The following DSC2 variants were observed in gnomAD, a reference collection of about 807,000 sequenced individuals.
The protein encoded by DSC2 is desmocollin 2.
Under a neutral mutation model 87.6 loss-of-function variants are expected in DSC2, and 51 were observed. The ratio of observed to expected loss-of-function variants is 0.58; its 90% CI spans 0.46 to 0.74. DSC2 has a LOEUF of 0.74. Among genes scored for constraint, DSC2 ranks in the 30% least tolerant of loss-of-function variants. DSC2 has a pLI of 0.00. For synonymous variants in DSC2, 383 were observed against 393.2 expected, an observed-to-expected ratio of 0.97 and a Z score of 0.31; for missense variants, 1,066 against 1,089.5, an observed-to-expected ratio of 0.98 and a Z score of 0.30.
rs1555641325 is a variant in DSC2 at position 31,101,950 on chromosome 18, C to T, written c.22G>A (p.Gly8Ser). Reference protein sequence around the residue: MEAARPSGSWNGALCRLL... With the variant: MEAARPSSSWNGALCRLL... Reference sequence around the variant, plus strand: ...CGGCAGAGGGCTCCGTTCCAGGAGCCGGAGGGGCGGGCTGCCTCCATGGAG... The same window carrying T: ...CGGCAGAGGGCTCCGTTCCAGGAGCTGGAGGGGCGGGCTGCCTCCATGGAG... The change falls in exon 1 of 16, where the codon GGC (glycine) becomes AGC (serine). Residue 8 changes from glycine to serine, a missense_variant. By Grantham distance (56) the Gly-to-Ser change is moderately conservative. Coordinates refer to ENST00000280904, the MANE Select transcript of DSC2 (RefSeq NM_024422.6). The T allele has an allele frequency of 2.0e-6, 3 of 1,526,714 alleles. No homozygotes were observed. Among genetic ancestry groups the T allele is most frequent in the South Asian group, 2.4e-5 (2 of 82,758 alleles). 94.6% of individuals were successfully genotyped at this position (1,526,714 alleles called of 1,614,324 possible). A position where few individuals can be genotyped will look rare whatever the true frequency, so the allele number is the denominator to read the frequency against.
chr18:31,081,167 A>T (rs1265765983), intron 9 of DSC2, among the ~76,000 whole-genome samples: 1 of 152,206 alleles, frequency 6.6e-6, no homozygotes, highest in African/African-American at 2.4e-5. Context: ...ACCTGGTATG[A>T]GGAAGAGAAA....
chr18:31,064,764 G>A lies in DSC2; in HGVS notation c.*3251C>T, dbSNP rs2144772978. Reference sequence around the variant, plus strand: ...ACAAGATGATTCTAGGCACAAAGAAGGGAAAGCATTTTATTTTGGAGATGA... The same window carrying A: ...ACAAGATGATTCTAGGCACAAAGAAAGGAAAGCATTTTATTTTGGAGATGA... On this transcript the variant is annotated 3_prime_UTR_variant, in exon 16 of 16. Transcript: ENST00000280904. 6.6e-6 allele frequency: 1 copy of A among 152,268 alleles called. No homozygotes were observed. The highest frequency in any genetic ancestry group is 1.9e-4 in the East Asian group (1 of 5,176). The allele number at this position is 152,268 out of a possible 1,614,324, so 9.4% of individuals were successfully genotyped here.
chr18:31,098,959 G>A (rs1205291906), intron 1 of DSC2, among the ~76,000 whole-genome samples: 1 of 152,176 alleles, frequency 6.6e-6, no homozygotes, highest in Non-Finnish European at 1.5e-5. Context: ...AAGGGGAGCA[G>A]TGAGAAAGAA....
intron 8 of DSC2, 66 bp from the exon 9 acceptor site, chr18:31,082,489 A>G: frequency 7.2e-7 from 1 of 1,380,412 alleles, no homozygotes; most frequent in South Asian, 1.2e-5. Flanking sequence ...CACGATGTGA[A>G]GTAAATCCTA....
chr18:31,069,126 T>C lies in DSC2; in HGVS notation c.2276A>G (p.Gln759Arg), dbSNP rs765539764. The C allele has an allele frequency of 6.2e-7, 1 of 1,614,140 alleles. No homozygotes were observed. The highest frequency in any genetic ancestry group is 8.5e-7 in the Non-Finnish European group (1 of 1,179,994). ...TCCCTGAGCAGAAGCGCCCACAGTT[T>C]GGGTTGTGAAGCCATTCGCAGAATA... is the stretch of plus-strand genomic sequence containing the variant. Reference protein sequence around the residue: ...KVYSANGFTTQTVGASAQGVC... With the variant: ...KVYSANGFTTRTVGASAQGVC... Residue 759 changes from glutamine to arginine, a missense_variant, in exon 15 of 16, where the codon CAA (glutamine) becomes CGA (arginine). Coordinates refer to ENST00000280904, the MANE Select transcript of DSC2 (RefSeq NM_024422.6).
intron 1 of DSC2, among the ~76,000 whole-genome samples, chr18:31,094,660 T>C (rs1987708119): frequency 6.6e-6 from 1 of 152,202 alleles, no homozygotes; most frequent in Non-Finnish European, 1.5e-5. Context: ...ACTAAAATCA[T>C]CAAAATTTGG....
At position 31,070,720 on chromosome 18, in the gene DSC2, A is replaced by G; in HGVS notation, c.2250+6T>C. On this transcript the variant is annotated splice_donor_region_variant and intron_variant, in intron 14 of 15. Coordinates refer to ENST00000280904, the MANE Select transcript of DSC2 (RefSeq NM_024422.6). Reference sequence around the variant, plus strand: ...TTGTATTTATTTAAAAAGCCAGACTACTTACCACTTTGTCATCTCCAGGAG... The same window carrying G: ...TTGTATTTATTTAAAAAGCCAGACTGCTTACCACTTTGTCATCTCCAGGAG... 6.2e-7 allele frequency: 1 copy of G among 1,613,716 alleles called. No individual in the cohort carries two copies. The highest frequency in any genetic ancestry group is 8.5e-7 in the Non-Finnish European group (1 of 1,179,728).
chr18:31,077,534 T>G (rs1350212836), intron 11 of DSC2, among the ~76,000 whole-genome samples: 2 of 152,222 alleles, frequency 1.3e-5, no homozygotes, highest in Non-Finnish European at 2.9e-5. Context: ...AACTCCAATC[T>G]TTTTTTGCAC....
In DSC2 at chr18:31,069,019, C is replaced by T. The variant is rs1986731726; in HGVS notation, c.2383G>A (p.Glu795Lys). The change falls in exon 15 of 16, where the codon GAA becomes AAA. Residue 795 changes from glutamate (E) to lysine (K), a missense_variant. Transcript: ENST00000280904. ...TGGTGGCCAGCCCCCCGGCAGGATT[C>T]CGAGGTCTGGTGTCCTCCTTTCACC... is the stretch of plus-strand genomic sequence containing the variant. ...EMVKGGHQTS[E>K]SCRGAGHHHT... 3 of 1,614,036 alleles carry T rather than the reference C, an allele frequency of 1.9e-6. No homozygotes were observed. The highest frequency in any genetic ancestry group is 2.5e-6 in the Non-Finnish European group (3 of 1,179,976).
At chr18:31,101,456 C>G (rs1007701920) in intron 1 of DSC2, 1 of 190,574 alleles carries the variant, frequency 5.2e-6, no homozygotes, top group Admixed American at 6.5e-5. Context: ...GGGAGCCGCA[C>G]GTTCCCGAGG....
intron 6 of DSC2, 34 bp downstream of exon 6, chr18:31,087,635 T>C (rs1377916605): frequency 6.2e-7 from 1 of 1,602,298 alleles, no homozygotes; most frequent in African/African-American, 1.3e-5. Flanking sequence ...GAAACACAGT[T>C]AATTTGCCAT....
intron 6 of DSC2, 49 bp from the exon 7 acceptor site, chr18:31,086,791 T>A (rs1163826755): frequency 6.3e-7 from 1 of 1,578,774 alleles, no homozygotes; most frequent in African/African-American, 1.4e-5. Flanking sequence ...ACATGTTCTA[T>A]GTTCCCTTTA....
In DSC2 at chr18:31,059,486, T is replaced by G. The variant is rs1986460011; in HGVS notation, c.*8529A>C. 6.6e-6 allele frequency: 1 copy of G among 152,230 alleles called. No homozygotes were observed. Among genetic ancestry groups the G allele is most frequent in the South Asian group, 2.1e-4 (1 of 4,834 alleles). The allele number at this position is 152,230 out of a possible 1,614,324, so 9.4% of individuals were successfully genotyped here. On this transcript the variant is annotated 3_prime_UTR_variant, in exon 16 of 16. Coordinates refer to ENST00000280904, the MANE Select transcript of DSC2 (RefSeq NM_024422.6). ...TTTACTGTAAATATAATATGTTCAG[T>G]GAAAACTTTATTTATTAAAGCTAAG...
intron 11 of DSC2, among the ~76,000 whole-genome samples, chr18:31,079,509 C>T (rs559051113): frequency 6.6e-6 from 1 of 152,146 alleles, no homozygotes; most frequent in Non-Finnish European, 1.5e-5. Context: ...CCAGCCTTAG[C>T]CTCCCAAAGT....
rs766855728 is a variant in DSC2, at chr18:31,089,552, T to C, written c.517A>G (p.Ile173Val). The part of the protein sequence containing the change: ...TAQNYTIYYS[I>V]RGPGVDQEPR... ...TCTTGGTCAACTCCAGGACCTCTTA[T>C]GGAATAGTATATGGTATAGTTTTGG... Residue 173 changes from isoleucine to valine, a missense_variant, in exon 5 of 16, where the codon ATA becomes GTA. Ile to Val is a conservative substitution (Grantham distance 29). Transcript: ENST00000280904. 3.7e-6 allele frequency: 6 copies of C among 1,614,000 alleles called. No homozygotes were observed. The highest frequency in any genetic ancestry group is 5.1e-6 in the Non-Finnish European group (6 of 1,179,954).
chr18:31,079,807 G>C, intron 11 of DSC2, 40 bp downstream of exon 11: 1 of 1,612,710 alleles, frequency 6.2e-7, no homozygotes, highest in South Asian at 1.1e-5. Flanking sequence ...GATGTATGTA[G>C]CCAAGGAAGT....
chr18:31,090,046 T>A (rs538663537), intron 4 of DSC2, among the ~76,000 whole-genome samples: 25 of 152,338 alleles, frequency 1.6e-4, no homozygotes, highest in Non-Finnish European at 3.4e-4. Flanking sequence ...AGTTTTTTGT[T>A]CTTTGCCAAC....
At chr18:31,094,533 C>T (rs1462753004) in intron 1 of DSC2, among the ~76,000 whole-genome samples, 2 of 152,176 alleles carry the variant, frequency 1.3e-5, no homozygotes, top group Non-Finnish European at 2.9e-5. Flanking sequence ...TGAAACTTTA[C>T]AATGGATGTT....
rs372988931 is a variant in DSC2 at position 31,067,310 on chromosome 18, C to T, written c.*705G>A. 6.7e-6 allele frequency: 1 copy of T among 149,706 alleles called. No homozygotes were observed. The highest frequency in any genetic ancestry group is 2.4e-5 in the African/African-American group (1 of 40,906). 9.3% of individuals were successfully genotyped at this position (149,706 alleles called of 1,614,324 possible). ...AGAGACAGAGAGAAAGAGAGAGATG[C>T]TACTTGACATTTTAAAGACCAAAAA... On this transcript the variant is annotated 3_prime_UTR_variant, in exon 16 of 16. Coordinates refer to ENST00000280904, the MANE Select transcript of DSC2 (RefSeq NM_024422.6).
Sources: allele counts gnomAD v4.1 joint callset (sites outside exome capture counted in the v4.1 genomes callset), GRCh38; gene constraint gnomAD v4.1.1; transcripts MANE v1.5; gene names NCBI Gene and HGNC (gene_info 2026-07-23, HGNC 2026-07-21).